Variants in SLC25A48 observed in about 807,000 individuals in gnomAD.
The protein encoded by SLC25A48 is solute carrier family 25 member 48.
SLC25A48 carries 29 observed loss-of-function variants against 32.2 expected under a neutral mutation model. The ratio of observed to expected loss-of-function variants is 0.90; its 90% CI spans 0.67 to 1.23. The LOEUF is 1.23. SLC25A48 is among the 50% of genes most tolerant of loss of function. SLC25A48 has a pLI of 0.00. For synonymous variants in SLC25A48, 164 were observed against 172.3 expected, an observed-to-expected ratio of 0.95 and a Z score of 0.38; for missense variants, 399 against 422.7, an observed-to-expected ratio of 0.94 and a Z score of 0.49.
At chr5:135,792,646 C>T (rs889876117) in intron 3 of SLC25A48, among the ~76,000 whole-genome samples, 5 of 151,632 alleles carry the variant, frequency 3.3e-5, no homozygotes, top group South Asian at 2.1e-4. Flanking sequence ...GTAACATCCC[C>T]GGGAGATATT....
At chr5:135,843,775 G>A (rs574733204) in intron 2 of SLC25A48, among the ~76,000 whole-genome samples, 175 of 152,324 alleles carry the variant, frequency 1.1e-3, no homozygotes, top group African/African-American at 4.0e-3. Context: ...AAACAAAGAA[G>A]GCCAGTGTGT....
chr5:135,853,547 T>G (rs1232776567), intron 4 of SLC25A48, among the ~76,000 whole-genome samples: 2 of 152,258 alleles, frequency 1.3e-5, no homozygotes, highest in African/African-American at 4.8e-5. Flanking sequence ...TTCTCATCCA[T>G]AAGAAGTAAC....
At chr5:135,594,100 A>G (rs1751589588) in intron 1 of SLC25A48, among the ~76,000 whole-genome samples, 2 of 152,238 alleles carry the variant, frequency 1.3e-5, no homozygotes, top group South Asian at 4.1e-4. Flanking sequence ...TCAGGAGCAA[A>G]AGAGGAACTC....
intron 4 of SLC25A48, among the ~76,000 whole-genome samples, chr5:135,868,677 T>TAC (rs34148471): frequency 0.62 from 92,254 of 148,970 alleles, 28,471 homozygotes; most frequent in East Asian, 0.76. Flanking sequence ...CACACACACA[T>TAC]ACACACACAC....
intron 4 of SLC25A48, among the ~76,000 whole-genome samples, chr5:135,820,623 T>C (rs551752464): frequency 6.6e-6 from 1 of 152,026 alleles, no homozygotes; most frequent in South Asian, 2.1e-4. Flanking sequence ...AAGAGATGGA[T>C]AAAAAAAATC....
At chr5:135,832,917 C>T (rs1405810815), upstream of SLC25A48, among the ~76,000 whole-genome samples, 1 of 152,170 alleles carries the variant, frequency 6.6e-6, no homozygotes, top group African/African-American at 2.4e-5. Context: ...CTGTAATGGC[C>T]AGTAGCTGCC....
rs1760808312 is a variant in SLC25A48, at chr5:135,861,669, G to T, written c.421+8848G>T. Reference sequence around the variant, plus strand: ...TACAGTTTTTCCTCTTTTAAAAATAGTGGTATGATCAGCGAATATATTCAT... The same window carrying T: ...TACAGTTTTTCCTCTTTTAAAAATATTGGTATGATCAGCGAATATATTCAT... On this transcript the variant is annotated intron_variant, in intron 4 of 7. Coordinates refer to ENST00000681962, the MANE Select transcript of SLC25A48 (RefSeq NM_001349336.2). 5.3e-5 allele frequency among the ~76,000 whole-genome samples: 8 copies of T among 152,304 alleles called. No homozygotes were observed. The South Asian group carries it at 1.7e-3, about 32-fold the overall frequency.
At chr5:135,716,437 T>C (rs1430562803) in intron 3 of SLC25A48, among the ~76,000 whole-genome samples, 1 of 152,210 alleles carries the variant, frequency 6.6e-6, no homozygotes, top group African/African-American at 2.4e-5. Flanking sequence ...TGCTGACTTA[T>C]GCTCTCTGAG....
At position 135,736,841 on chromosome 5, in the gene SLC25A48, AG is replaced by A. The variant is rs775003185; in HGVS notation, c.-520-75681del. On this transcript the variant is annotated intron_variant, in intron 3 of 10. Transcript: ENST00000646290. The stretch of plus-strand genomic sequence containing the variant: ...CAGAAAAGGAAAGGAACTGAAATTA[AG>A]AGAAGGGAGAGATTGAAAGATGGCA... 3.9e-5 allele frequency among the ~76,000 whole-genome samples: 6 copies of A among 152,226 alleles called. No homozygotes were observed. In the East Asian group the frequency reaches 7.7e-4, roughly 20 times the overall value.
At chr5:135,751,884 T>G (rs913172116) in intron 3 of SLC25A48, among the ~76,000 whole-genome samples, 1 of 152,170 alleles carries the variant, frequency 6.6e-6, no homozygotes. Context: ...GTTCACTGAT[T>G]TTCAATGAAG....
chr5:135,639,267 C>CTA (rs1752778519), intron 3 of SLC25A48, among the ~76,000 whole-genome samples: 1 of 152,190 alleles, frequency 6.6e-6, no homozygotes, highest in African/African-American at 2.4e-5. Context: ...GGCTATAGTA[C>CTA]AGCAAGGGAG....
At chr5:135,598,214 C>T (rs953935452) in intron 1 of SLC25A48, among the ~76,000 whole-genome samples, 6 of 152,188 alleles carry the variant, frequency 3.9e-5, no homozygotes, top group Admixed American at 3.3e-4. Flanking sequence ...AGCCTGGCTT[C>T]AGGAGGACTC....
At chr5:135,587,736 A>G (rs1373606861) in intron 1 of SLC25A48, among the ~76,000 whole-genome samples, 1 of 152,196 alleles carries the variant, frequency 6.6e-6, no homozygotes, top group Non-Finnish European at 1.5e-5. Flanking sequence ...TCTGAACATG[A>G]TCAGGTTCTT....
At chr5:135,621,555 G>C (rs2126899065) in intron 1 of SLC25A48, among the ~76,000 whole-genome samples, 1 of 152,154 alleles carries the variant, frequency 6.6e-6, no homozygotes, top group Admixed American at 6.5e-5. Flanking sequence ...AAAATTGAAA[G>C]ACAAATCAAT....
intron 3 of SLC25A48, among the ~76,000 whole-genome samples, chr5:135,714,160 CAG>C (rs901377765): frequency 6.6e-6 from 1 of 152,152 alleles, no homozygotes; most frequent in African/African-American, 2.4e-5. Context: ...GGCCAGAGTG[CAG>C]AGAGGCGCAT....
At chr5:135,770,924 T>C (rs1039642920) in intron 3 of SLC25A48, among the ~76,000 whole-genome samples, 1 of 151,894 alleles carries the variant, frequency 6.6e-6, no homozygotes, top group African/African-American at 2.4e-5. Flanking sequence ...AAAAGAGAAT[T>C]ATATTACTTC....
rs34883174 is a variant in SLC25A48, at chr5:135,705,947, G to A, written c.-521+70991G>A. 9.9e-3 allele frequency among the ~76,000 whole-genome samples: 1,504 copies of A among 152,288 alleles called. 15 individuals carry two copies. Among genetic ancestry groups the A allele is most frequent in the Non-Finnish European group, 0.016 (1,102 of 68,032 alleles). ...GCTGGCCTGGCTGGAACGCAGGCTG[G>A]TTTGTACAGCAGACGTCCCACCTTT... On this transcript the variant is annotated intron_variant, in intron 3 of 10. Transcript: ENST00000646290.
intron 3 of SLC25A48, among the ~76,000 whole-genome samples, chr5:135,699,319 G>A (rs1189787349): frequency 6.6e-6 from 1 of 151,734 alleles, no homozygotes; most frequent in Non-Finnish European, 1.5e-5. Context: ...TATACATTAC[G>A]ATGTGATATT....
intron 3 of SLC25A48, among the ~76,000 whole-genome samples, chr5:135,712,984 C>T (rs1414245245): frequency 6.6e-6 from 1 of 152,230 alleles, no homozygotes. Flanking sequence ...CTTATCCATC[C>T]TATGTTCCCC....
Sources: gnomAD v4.1 joint callset for allele counts (sites outside exome capture counted in the v4.1 genomes callset) on GRCh38, gnomAD v4.1.1 for gene constraint, MANE v1.5 for transcripts, NCBI Gene and HGNC (gene_info 2026-07-23, HGNC 2026-07-21) for gene names.